The following TNIP1 variants were observed in gnomAD, a reference collection of about 807,000 sequenced individuals.
TNIP1 encodes TNFAIP3 interacting protein 1.
Under a neutral mutation model 86.6 loss-of-function variants are expected in TNIP1, and 22 were observed. The observed-to-expected ratio is 0.25, with a 90% confidence interval of 0.18 to 0.36. The LOEUF is 0.36. TNIP1 is among the 10% of genes least tolerant of loss of function. The probability of loss-of-function intolerance (pLI) is 1.00; values close to 1 mark genes in which losing one functional copy is unlikely to be tolerated. For synonymous variants in TNIP1, 294 were observed against 313.0 expected (o/e 0.94, Z 0.64); for missense variants, 709 against 820.6 (o/e 0.86, Z 1.66).
intron 12 of TNIP1, among the ~76,000 whole-genome samples, chr5:151,037,798 C>T (rs1020936547): frequency 2.0e-5 from 3 of 152,180 alleles, no homozygotes; most frequent in Non-Finnish European, 4.4e-5. Flanking sequence ...AACTTGGACT[C>T]GGGCTTCCAC....
At chr5:151,078,238 A>C (rs1010590364) in intron 1 of TNIP1, among the ~76,000 whole-genome samples, 1 of 152,198 alleles carries the variant, frequency 6.6e-6, no homozygotes, top group Non-Finnish European at 1.5e-5. Flanking sequence ...TCATCAGGAA[A>C]TGATGCTTGG....
Position 151,042,574 on chromosome 5 carries a change from A to C in TNIP1, c.1100T>G (p.Leu367Arg), listed in dbSNP as rs1240999635. 6.2e-7 allele frequency: 1 copy of C among 1,613,538 alleles called. No homozygotes were observed. Among genetic ancestry groups the C allele is most frequent in the South Asian group, 1.1e-5 (1 of 91,076 alleles). The change falls in exon 11 of 18, where the codon CTC becomes CGC. Residue 367 changes from leucine (L) to arginine (R), a missense_variant. By Grantham distance (102) the Leu-to-Arg change is moderately radical. Coordinates refer to ENST00000521591, the MANE Select transcript of TNIP1 (RefSeq NM_006058.5). Reference protein sequence around the residue: ...EQKQRDFDRKLLLAKSKIEME... With the variant: ...EQKQRDFDRKRLLAKSKIEME... Reference sequence around the variant, plus strand: ...TTCAATCTTGGACTTGGCCAGGAGGAGCTTGCGGTCAAAGTCACGCTGCTT... The same window carrying C: ...TTCAATCTTGGACTTGGCCAGGAGGCGCTTGCGGTCAAAGTCACGCTGCTT...
chr5:151,034,604 T>C (rs1757453242), intron 15 of TNIP1: 1 of 309,016 alleles, frequency 3.2e-6, no homozygotes, highest in Non-Finnish European at 6.0e-6. Context: ...GGCTGGTACA[T>C]GGACACGGAA....
Position 151,036,907 on chromosome 5 carries a change from T to C in TNIP1, c.1278A>G (p.Ala426=). 6.2e-7 allele frequency: 1 copy of C among 1,608,866 alleles called. No individual in the cohort carries two copies. The highest frequency in any genetic ancestry group is 2.3e-5 in the East Asian group (1 of 44,264). Residue 426 remains alanine, a synonymous_variant, in exon 13 of 18, where the codon GCA becomes GCG. Transcript: ENST00000521591. ...IQRLNKALEE[A]LSIQTPPSSP... ...ATGATGGCGGGGTTTGGATGCTCAG[T>C]GCTTCCTCCAGGGCCTGGAATCAGG...
intron 1 of TNIP1, among the ~76,000 whole-genome samples, chr5:151,069,779 C>T (rs1262053173): frequency 6.6e-6 from 1 of 152,146 alleles, no homozygotes; most frequent in Non-Finnish European, 1.5e-5. Context: ...CTAGTGTCTA[C>T]TCTGCTGTGT....
At chr5:151,045,725 C>T (rs2113462327) in intron 9 of TNIP1, 136 bp downstream of exon 9, 12 of 776,714 alleles carry the variant, frequency 1.5e-5, no homozygotes, top group Non-Finnish European at 2.6e-5. Context: ...CATGGGCAGG[C>T]AGGTCAGTGG....
intron 1 of TNIP1, among the ~76,000 whole-genome samples, chr5:151,076,775 G>A (rs902600804): frequency 1.3e-5 from 2 of 152,310 alleles, no homozygotes; most frequent in South Asian, 4.1e-4. Flanking sequence ...CACTGGAAGG[G>A]GCTGCCTACG....
intron 12 of TNIP1, 146 bp from the exon 13 acceptor site, chr5:151,037,067 T>A: frequency 1.0e-6 from 1 of 1,003,540 alleles, no homozygotes; most frequent in Non-Finnish European, 1.4e-6. Context: ...AATGCTGCCC[T>A]ATTTATTTGC....
intron 15 of TNIP1, 81 bp downstream of exon 15, chr5:151,034,905 GTCCCCACGCCCGAGCA>G (rs1003024842): frequency 7.3e-7 from 1 of 1,364,748 alleles, no homozygotes; most frequent in Non-Finnish European, 1.0e-6. Flanking sequence ...AGCAGAGGAT[GTCCCCACGCCCGAGCA>G]CACACTGTGC....
intron 1 of TNIP1, among the ~76,000 whole-genome samples, chr5:151,068,304 C>T (rs543046999): frequency 8.5e-5 from 13 of 152,288 alleles, no homozygotes; most frequent in African/African-American, 2.6e-4. Flanking sequence ...ACTGGGCAGA[C>T]GGGAACTCTC....
At chr5:151,039,027 C>A in intron 12 of TNIP1, 70 bp downstream of exon 12, 1 of 1,553,332 alleles carries the variant, frequency 6.4e-7, no homozygotes, top group South Asian at 1.2e-5. Context: ...TTGGGGGTGC[C>A]AGTGATGGGG....
intron 1 of TNIP1, among the ~76,000 whole-genome samples, chr5:151,076,136 T>C (rs1763366285): frequency 6.6e-6 from 1 of 152,194 alleles, no homozygotes; most frequent in African/African-American, 2.4e-5. Context: ...GTGACTGTCC[T>C]GGGCCAGTCA....
rs116058464 is a variant in TNIP1, at chr5:151,039,427, A to G, written c.1135-202T>C. 3.6e-3 allele frequency among the ~76,000 whole-genome samples: 553 copies of G among 152,264 alleles called. 3 individuals are homozygous for G. Among genetic ancestry groups the G allele is most frequent in the African/African-American group, 0.013 (541 of 41,554 alleles). On this transcript the variant is annotated intron_variant, in intron 11 of 17. Transcript: ENST00000521591. ...TATGTGTCAATTTAAAATAATAATT[A>G]AAAAAAGAAAAAGCAGTAGCTCAGT...
At chr5:151,063,225 A>C (rs972471662) in intron 3 of TNIP1, among the ~76,000 whole-genome samples, 1 of 152,134 alleles carries the variant, frequency 6.6e-6, no homozygotes, top group African/African-American at 2.4e-5. Context: ...GGAGCTTCCA[A>C]CTCATATGCC....
chr5:151,059,934 C>T (rs1470746953), intron 5 of TNIP1, among the ~76,000 whole-genome samples: 1 of 150,744 alleles, frequency 6.6e-6, no homozygotes, highest in African/African-American at 2.4e-5. Flanking sequence ...CAAGAGTCTG[C>T]ACAAAGAGCA....
At chr5:151,041,663 G>A (rs960628209) in intron 11 of TNIP1, among the ~76,000 whole-genome samples, 9 of 152,132 alleles carry the variant, frequency 5.9e-5, no homozygotes, top group African/African-American at 1.7e-4. Flanking sequence ...CACCCAACCC[G>A]GCCTTCTCTG....
intron 7 of TNIP1, among the ~76,000 whole-genome samples, chr5:151,050,703 G>A (rs149439460): frequency 3.0e-3 from 459 of 151,920 alleles, no homozygotes; most frequent in Non-Finnish European, 5.1e-3. Flanking sequence ...GCCCAATCTC[G>A]GCTCACCACA....
chr5:151,079,621 CAA>C (rs5872189), intron 1 of TNIP1, among the ~76,000 whole-genome samples: 303 of 142,802 alleles, frequency 2.1e-3, no homozygotes, highest in Non-Finnish European at 1.8e-3. Context: ...GACTCTGTCT[CAA>C]AAAAAAAAAA....
intron 1 of TNIP1, among the ~76,000 whole-genome samples, chr5:151,077,979 T>C (rs951488464): frequency 1.5e-4 from 23 of 152,158 alleles, no homozygotes; most frequent in African/African-American, 5.3e-4. Context: ...CACTTTGTCA[T>C]TTTTTTAGGG....
Sources: gnomAD v4.1 joint callset for allele counts (sites outside exome capture counted in the v4.1 genomes callset) on GRCh38, gnomAD v4.1.1 for gene constraint, MANE v1.5 for transcripts, NCBI Gene and HGNC (gene_info 2026-07-23, HGNC 2026-07-21) for gene names.